CDH2: variants seen among roughly 807,000 people sequenced by gnomAD.
The protein encoded by CDH2 is cadherin-2.
Under a neutral mutation model 92.0 loss-of-function variants are expected in CDH2, and 17 were observed. That is an observed-to-expected ratio of 0.18 (90% confidence interval 0.13 to 0.28). The LOEUF is 0.28. Among genes scored for constraint, CDH2 ranks in the 10% least tolerant of loss-of-function variants. CDH2 has a pLI of 1.00. For synonymous variants in CDH2, 419 were observed against 415.9 expected (o/e 1.01, Z -0.09); for missense variants, 862 against 1,133.1 (o/e 0.76, Z 3.44).
At chr18:28,047,042 T>C (rs1443739425) in intron 2 of CDH2, among the ~76,000 whole-genome samples, 1 of 152,190 alleles carries the variant, frequency 6.6e-6, no homozygotes, top group African/African-American at 2.4e-5. Context: ...ACCAAATGGA[T>C]GTATTTGATG....
At chr18:28,084,588 G>GAC (rs1555640055) in intron 2 of CDH2, among the ~76,000 whole-genome samples, 15 of 151,252 alleles carry the variant, frequency 9.9e-5, no homozygotes, top group African/African-American at 3.6e-4. Flanking sequence ...AAAAAAAAAG[G>GAC]ATACACACAC....
intron 2 of CDH2, among the ~76,000 whole-genome samples, chr18:28,134,976 A>G (rs1268064856): frequency 3.3e-5 from 5 of 152,148 alleles, no homozygotes; most frequent in Non-Finnish European, 5.9e-5. Flanking sequence ...CACTGACATC[A>G]TGGGCTGGAG....
chr18:27,936,221 T>C (rs1374079301), intron 6 of CDH2, among the ~76,000 whole-genome samples: 1 of 152,188 alleles, frequency 6.6e-6, no homozygotes, highest in Non-Finnish European at 1.5e-5. Flanking sequence ...CAAAGGTCTT[T>C]TATATACCTT....
intron 2 of CDH2, among the ~76,000 whole-genome samples, chr18:28,024,318 A>T (rs1320486974): frequency 4.6e-5 from 7 of 151,984 alleles, no homozygotes. Context: ...GGTTTTCAGC[A>T]TTTATTCTCA....
chr18:28,008,363 G>A (rs1359513142), intron 5 of CDH2, among the ~76,000 whole-genome samples: 2 of 152,082 alleles, frequency 1.3e-5, no homozygotes, highest in Admixed American at 1.3e-4. Flanking sequence ...TTCCTCCAAT[G>A]ATATTAAAAA....
intron 1 of CDH2, among the ~76,000 whole-genome samples, chr18:28,155,536 A>G (rs2016195037): frequency 6.6e-6 from 1 of 152,218 alleles, no homozygotes; most frequent in Admixed American, 6.5e-5. Context: ...CAAAAGATGC[A>G]CAAGTGGAAT....
intron 14 of CDH2, among the ~76,000 whole-genome samples, chr18:27,971,544 T>C (rs2143914024): frequency 6.6e-6 from 1 of 152,224 alleles, no homozygotes; most frequent in East Asian, 1.9e-4. Flanking sequence ...AGTGAAAGTA[T>C]TTAATAACTG....
intron 2 of CDH2, among the ~76,000 whole-genome samples, chr18:28,073,435 C>T (rs2014658954): frequency 6.6e-6 from 1 of 152,002 alleles, no homozygotes; most frequent in Non-Finnish European, 1.5e-5. Context: ...TTTTTCCTTG[C>T]AAATTGTAAA....
intron 2 of CDH2, among the ~76,000 whole-genome samples, chr18:28,048,931 G>A (rs910066756): frequency 6.6e-6 from 1 of 152,102 alleles, no homozygotes; most frequent in Non-Finnish European, 1.5e-5. Context: ...AATACCATCT[G>A]CATGCAAGCA....
chr18:28,147,494 T>C (rs2016053400), intron 2 of CDH2, among the ~76,000 whole-genome samples, 179 bp downstream of exon 2: 1 of 152,134 alleles, frequency 6.6e-6, no homozygotes, highest in Non-Finnish European at 1.5e-5. Flanking sequence ...TCAAATTATG[T>C]ATATAAGAGA....
intron 2 of CDH2, among the ~76,000 whole-genome samples, chr18:28,075,968 C>T (rs1206848759): frequency 6.6e-6 from 1 of 152,118 alleles, no homozygotes; most frequent in African/African-American, 2.4e-5. Flanking sequence ...GTGGTCAATT[C>T]CAAATATCAT....
chr18:27,952,470 TTTCC>T, intron 15 of CDH2, 111 bp from the exon 16 acceptor site: 1 of 814,762 alleles, frequency 1.2e-6, no homozygotes, highest in Non-Finnish European at 2.0e-6. Flanking sequence ...TGTTTGTAAA[TTTCC>T]ATTTACATAC....
intron 2 of CDH2, among the ~76,000 whole-genome samples, chr18:28,132,502 CG>C (rs1210299637): frequency 2.0e-5 from 3 of 152,024 alleles, no homozygotes; most frequent in Non-Finnish European, 4.4e-5. Context: ...GAGAGAAGGA[CG>C]GAAGGGGGCA....
chr18:28,137,217 C>T (rs2015877362), intron 2 of CDH2, among the ~76,000 whole-genome samples: 1 of 152,092 alleles, frequency 6.6e-6, no homozygotes, highest in Non-Finnish European at 1.5e-5. Flanking sequence ...GACTGGCTCT[C>T]AGGGAGGAGC....
downstream of CDH2, among the ~76,000 whole-genome samples, chr18:27,948,191 T>G (rs1232858226): frequency 1.3e-5 from 2 of 151,046 alleles, no homozygotes; most frequent in Non-Finnish European, 3.0e-5. Context: ...GTTGGGTTTA[T>G]ATTGAAGTTT....
chr18:28,157,791 G>GA (rs933481986), intron 1 of CDH2, among the ~76,000 whole-genome samples: 2 of 150,188 alleles, frequency 1.3e-5, no homozygotes, highest in Non-Finnish European at 3.0e-5. Flanking sequence ...AAAAAATTAG[G>GA]AAAAAAAAAG....
rs879894249 is a variant in CDH2, at chr18:28,167,252, T to C, written c.60+9711A>G. ...TAACTTAACAGAATTCCAAATGTAT[T>C]TGGCATTTGGCTGAAGTGATATTGC... On this transcript the variant is annotated intron_variant, in intron 1 of 15. Coordinates refer to ENST00000269141, the MANE Select transcript of CDH2 (RefSeq NM_001792.5). Among the ~76,000 whole-genome samples, 14 of 152,242 alleles carry C rather than the reference T, an allele frequency of 9.2e-5. No homozygotes were observed. The South Asian group carries it at 1.0e-3, about 11-fold the overall frequency.
chr18:28,090,827 C>T (rs1018423560), intron 2 of CDH2, among the ~76,000 whole-genome samples: 3 of 152,166 alleles, frequency 2.0e-5, no homozygotes, highest in African/African-American at 2.4e-5. Context: ...TCTAATACAA[C>T]ATGTATCTTA....
intron 2 of CDH2, among the ~76,000 whole-genome samples, chr18:28,135,045 A>G (rs1465506255): frequency 6.6e-6 from 1 of 152,196 alleles, no homozygotes; most frequent in East Asian, 1.9e-4. Flanking sequence ...CTGCGTACAG[A>G]TACGTATTCA....
Sources: gnomAD v4.1 joint callset for allele counts (sites outside exome capture counted in the v4.1 genomes callset) on GRCh38, gnomAD v4.1.1 for gene constraint, MANE v1.5 for transcripts, NCBI Gene and HGNC (gene_info 2026-07-23, HGNC 2026-07-21) for gene names.